The following HK2 variants were observed in gnomAD, a reference collection of about 807,000 sequenced individuals.
HK2 encodes hexokinase-2.
Under a neutral mutation model 92.9 loss-of-function variants are expected in HK2, and 42 were observed. That is an observed-to-expected ratio of 0.45 (90% CI 0.35 to 0.58). The LOEUF (loss-of-function observed/expected upper bound fraction) is 0.58, where lower values mean the gene tolerates loss of function less well. Ranked by LOEUF, HK2 falls within the 20% of genes least tolerant of loss-of-function variation. The probability of loss-of-function intolerance (pLI) is 0.00; values close to 1 mark genes in which losing one functional copy is unlikely to be tolerated. For missense variants in HK2, 978 were observed against 1,245.1 expected (o/e 0.79, Z 3.23); for synonymous variants, 422 against 468.0 (o/e 0.90, Z 1.27).
chr2:74,850,719 A>G (rs1302458555), intron 1 of HK2, among the ~76,000 whole-genome samples: 1 of 152,148 alleles, frequency 6.6e-6, no homozygotes, highest in Non-Finnish European at 1.5e-5. Context: ...AATCCAGGAA[A>G]ATCATCTTTG....
At chr2:74,849,174 A>G (rs1166965948) in intron 1 of HK2, among the ~76,000 whole-genome samples, 1 of 152,066 alleles carries the variant, frequency 6.6e-6, no homozygotes, top group Admixed American at 6.6e-5. Flanking sequence ...ACTTAAGGGG[A>G]TGGGTGTTAA....
intron 1 of HK2, among the ~76,000 whole-genome samples, chr2:74,838,912 T>C (rs888454191): frequency 6.6e-6 from 1 of 152,112 alleles, no homozygotes; most frequent in Non-Finnish European, 1.5e-5. Context: ...AGAATCAGGG[T>C]TAACCATAGA....
In HK2 at chr2:74,854,437, T is replaced by A. The variant is rs200036720; in HGVS notation, c.208T>A (p.Ser70Thr). The A allele has an allele frequency of 1.3e-5, 21 of 1,614,202 alleles. No individual in the cohort carries two copies. Among genetic ancestry groups the A allele is most frequent in the Middle Eastern group, 3.3e-4 (2 of 6,056 alleles). Residue 70 changes from serine (S) to threonine (T), a missense_variant, in exon 2 of 18, where the codon TCC (serine) becomes ACC (threonine). Coordinates refer to ENST00000290573, the MANE Select transcript of HK2 (RefSeq NM_000189.5). ...GAAGATGCTGCCCACCTTTGTGAGG[T>A]CCACTCCAGATGGGACAGGTACTGC... is the stretch of plus-strand genomic sequence containing the variant. ...AVKMLPTFVR[S>T]TPDGTEHGEF...
chr2:74,838,595 G>C (rs1028612374), intron 1 of HK2, among the ~76,000 whole-genome samples: 3 of 147,876 alleles, frequency 2.0e-5, no homozygotes, highest in Non-Finnish European at 4.4e-5. Context: ...CTGGAGTGCA[G>C]TGGCGCAATC....
chr2:74,851,175 C>A (rs968390441), intron 1 of HK2, among the ~76,000 whole-genome samples: 2 of 152,216 alleles, frequency 1.3e-5, no homozygotes, highest in Admixed American at 1.3e-4. Context: ...GGCAGTGGGG[C>A]CAGACAGACC....
chr2:74,866,703 C>T (rs1397819185), intron 2 of HK2, among the ~76,000 whole-genome samples: 1 of 152,168 alleles, frequency 6.6e-6, no homozygotes, highest in African/African-American at 2.4e-5. Flanking sequence ...CATCCTCTTT[C>T]CTGCTCCCCC....
At chr2:74,869,656 C>T (rs1186578693) in intron 3 of HK2, among the ~76,000 whole-genome samples, 1 of 152,140 alleles carries the variant, frequency 6.6e-6, no homozygotes, top group Non-Finnish European at 1.5e-5. Flanking sequence ...ATTTTCAGAC[C>T]AGTAAGGAAA....
chr2:74,868,717 A>G (rs561516247), intron 3 of HK2, among the ~76,000 whole-genome samples: 2 of 152,358 alleles, frequency 1.3e-5, no homozygotes, highest in South Asian at 2.1e-4. Context: ...CACATCCCCC[A>G]GATGATAAAT....
chr2:74,842,203 A>G (rs2103840002), intron 1 of HK2, among the ~76,000 whole-genome samples: 1 of 152,356 alleles, frequency 6.6e-6, no homozygotes, highest in East Asian at 1.9e-4. Flanking sequence ...TGCTTTATGT[A>G]TTAAGTATTG....
chr2:74,874,995 G>A (rs529642737), intron 7 of HK2, among the ~76,000 whole-genome samples: 171 of 152,288 alleles, frequency 1.1e-3, no homozygotes, highest in Non-Finnish European at 2.0e-3. Context: ...GCCCAACTAT[G>A]TCCTGGGATG....
chr2:74,872,495 G>C, intron 4 of HK2, 76 bp downstream of exon 4: 1 of 1,542,514 alleles, frequency 6.5e-7, no homozygotes, highest in South Asian at 1.1e-5. Context: ...TGAGCCACCT[G>C]CTGTGGTGGT....
At chr2:74,867,503 T>G (rs1688982573) in intron 2 of HK2, 133 bp from the exon 3 acceptor site, 1 of 828,226 alleles carries the variant, frequency 1.2e-6, no homozygotes, top group Non-Finnish European at 2.1e-6. Context: ...ATATGTAATG[T>G]CTGTAGAGGA....
In HK2 at chr2:74,882,222, C is replaced by G; in HGVS notation, c.1822C>G (p.Gln608Glu). 1 of 1,614,054 alleles carries G rather than the reference C, an allele frequency of 6.2e-7. No homozygotes were observed. The highest frequency in any genetic ancestry group is 8.5e-7 in the Non-Finnish European group (1 of 1,179,918). The change falls in exon 12 of 18, where the codon CAG (glutamine) becomes GAG (glutamate). Residue 608 changes from glutamine to glutamate, a missense_variant. Gln to Glu is a conservative substitution (Grantham distance 29, BLOSUM62 2). Around this residue, in one of 3 missense-constraint regions of HK2, gnomAD observed 742 missense variants for 922.5 expected, o/e 0.80. Transcript: ENST00000290573. ...LGFTFSFPCQQNSLDESILLK... is the reference protein window; with the variant it reads ...LGFTFSFPCQENSLDESILLK... ...TTTTACCTTCTCCTTCCCCTGCCAG[C>G]AGAACAGCCTGGACGAGGTAACAGC...
chr2:74,881,295 AGTG>A (rs947340871), intron 10 of HK2, among the ~76,000 whole-genome samples: 28 of 152,330 alleles, frequency 1.8e-4, no homozygotes, highest in African/African-American at 6.5e-4. Context: ...TGAGCAGGCC[AGTG>A]TAGCACAGTT....
At chr2:74,873,746 A>AAGGAGGGGG (rs1689156568) in intron 5 of HK2, 98 bp from the exon 6 acceptor site, 1 of 718,198 alleles carries the variant, frequency 1.4e-6, no homozygotes, top group African/African-American at 1.9e-5. Context: ...AGAGAGAGAG[A>AAGGAGGGGG]AGGAGGAGGA....
rs538905801 is a variant in HK2 at position 74,876,231 on chromosome 2, C to A, written c.876-935C>A. 3.3e-5 allele frequency among the ~76,000 whole-genome samples: 5 copies of A among 152,296 alleles called. No individual in the cohort carries two copies. In the South Asian group the frequency reaches 1.0e-3, roughly 32 times the overall value. ...CTTGAGCAGGCTGCTTCCTGGAGGC[C>A]TGGGTTTCCTCTCGGAAAGGTAACC... On this transcript the variant is annotated intron_variant, in intron 7 of 17. Transcript: ENST00000290573.
chr2:74,865,659 T>A (rs993072948), intron 2 of HK2, among the ~76,000 whole-genome samples: 1 of 151,992 alleles, frequency 6.6e-6, no homozygotes, highest in African/African-American at 2.4e-5. Context: ...CCCGCAGCTG[T>A]AGCTAGTGGT....
intron 1 of HK2, among the ~76,000 whole-genome samples, chr2:74,849,421 G>T (rs1268010721): frequency 2.0e-5 from 3 of 152,150 alleles, no homozygotes; most frequent in African/African-American, 7.2e-5. Context: ...TCGCTTCCTG[G>T]GCTGGCAGCT....
intron 2 of HK2, among the ~76,000 whole-genome samples, chr2:74,866,456 G>A (rs925070488): frequency 1.3e-5 from 2 of 152,168 alleles, no homozygotes; most frequent in South Asian, 2.1e-4. Flanking sequence ...AGTCACCTGC[G>A]GATGCGCCTT....
Sources: allele counts gnomAD v4.1 joint callset (sites outside exome capture counted in the v4.1 genomes callset), GRCh38; gene constraint gnomAD v4.1.1; regional missense constraint gnomAD v4.1.1; transcripts MANE v1.5; gene names NCBI Gene and HGNC (gene_info 2026-07-23, HGNC 2026-07-21).